Variants in MAMLD1 observed in about 807,000 individuals in gnomAD.
MAMLD1 encodes the protein mastermind-like domain-containing protein 1.
Under a neutral mutation model 45.0 loss-of-function variants are expected in MAMLD1, and 14 were observed. The ratio of observed to expected loss-of-function variants is 0.31; its 90% CI spans 0.21 to 0.49. The LOEUF (loss-of-function observed/expected upper bound fraction) is 0.49, where lower values mean the gene tolerates loss of function less well. MAMLD1 is among the 20% of genes least tolerant of loss of function. MAMLD1 has a pLI of 0.99. For synonymous variants in MAMLD1, 254 were observed against 247.8 expected, an observed-to-expected ratio of 1.02 and a Z score of -0.24; for missense variants, 543 against 603.6, an observed-to-expected ratio of 0.90 and a Z score of 1.05.
chrX:150,496,296 C>G (rs781989035), intron 5 of MAMLD1, among the ~76,000 whole-genome samples: 80 of 112,460 alleles, frequency 7.1e-4, no homozygotes, highest in African/African-American at 2.5e-3. Flanking sequence ...GGTTAAGAGC[C>G]TGGATTTTCA....
chrX:150,364,606 T>A (rs1415199203), intron 1 of MAMLD1, among the ~76,000 whole-genome samples: 5 of 111,733 alleles, frequency 4.5e-5, no homozygotes, highest in Non-Finnish European at 9.5e-5. Context: ...GGGTGGCTTG[T>A]CGTTGTTGTT....
chrX:150,462,328 G>A lies in MAMLD1; in HGVS notation c.97-444G>A, dbSNP rs782722242. On this transcript the variant is annotated intron_variant, in intron 2 of 7. Coordinates refer to ENST00000370401, the MANE Select transcript of MAMLD1 (RefSeq NM_005491.5). ...GAGAGGGTTGGTTTGGGTTCCATAT[G>A]ACTGACATAAAGCAGAGCAAATATT... Among the ~76,000 whole-genome samples, 266 of 112,050 alleles carry A rather than the reference G, an allele frequency of 2.4e-3. 1 individual carries two copies. The highest frequency in any genetic ancestry group is 8.1e-3 in the African/African-American group (251 of 30,859).
chrX:150,461,176 C>A (rs782557991), intron 2 of MAMLD1, among the ~76,000 whole-genome samples: 1 of 113,322 alleles, frequency 8.8e-6, no homozygotes, highest in African/African-American at 3.2e-5. Flanking sequence ...TAGCTGCCCT[C>A]CTTCTCCCTG....
At chrX:150,377,819 TCACA>T (rs3066915) in intron 1 of MAMLD1, among the ~76,000 whole-genome samples, 143 of 91,828 alleles carry the variant, frequency 1.6e-3, no homozygotes, top group African/African-American at 3.8e-3. Flanking sequence ...TACCACCCCC[TCACA>T]CACACACACA....
At chrX:150,481,961 G>GAA (rs782400132) in intron 5 of MAMLD1, among the ~76,000 whole-genome samples, 1 of 58,213 alleles carries the variant, frequency 1.7e-5, no homozygotes, top group Admixed American at 2.0e-4. Context: ...AAGAAAGAAA[G>GAA]AAAAAAGAAA....
intron 1 of MAMLD1, among the ~76,000 whole-genome samples, chrX:150,371,414 T>C (rs1182848520): frequency 9.1e-6 from 1 of 110,310 alleles, no homozygotes; most frequent in African/African-American, 3.3e-5. Flanking sequence ...CCTGTGCGAG[T>C]ACCTAGACAC....
chrX:150,392,231 G>A (rs1232401677), intron 1 of MAMLD1, among the ~76,000 whole-genome samples: 1 of 112,246 alleles, frequency 8.9e-6, no homozygotes, highest in Non-Finnish European at 1.9e-5. Flanking sequence ...TCCTTATTCA[G>A]TCTTGTTGCT....
intron 5 of MAMLD1, among the ~76,000 whole-genome samples, chrX:150,493,401 A>G (rs1415212955): frequency 8.9e-6 from 1 of 112,358 alleles, no homozygotes; most frequent in Non-Finnish European, 1.9e-5. Flanking sequence ...TGTTCCTTCA[A>G]CATAGCACCA....
At chrX:150,442,798 T>G (rs1014292855) in intron 1 of MAMLD1, among the ~76,000 whole-genome samples, 1 of 111,911 alleles carries the variant, frequency 8.9e-6, no homozygotes. Context: ...ATTTCCTTTC[T>G]GCTTAGAGAA....
At chrX:150,394,001 C>T (rs2033298770) in intron 1 of MAMLD1, among the ~76,000 whole-genome samples, 1 of 110,447 alleles carries the variant, frequency 9.1e-6, no homozygotes, top group South Asian at 3.8e-4. Flanking sequence ...GTCATTGCCA[C>T]ATCCGGGGTG....
chrX:150,499,521 G>C (rs1262120387), intron 5 of MAMLD1, among the ~76,000 whole-genome samples: 1 of 111,756 alleles, frequency 8.9e-6, no homozygotes, highest in African/African-American at 3.3e-5. Flanking sequence ...ATAGCACAGA[G>C]TGTCACAGAA....
chrX:150,377,945 TA>T (rs2032415508), intron 1 of MAMLD1, among the ~76,000 whole-genome samples: 1 of 111,191 alleles, frequency 9.0e-6, no homozygotes, highest in African/African-American at 3.3e-5. Flanking sequence ...TAACATTTCC[TA>T]AAACGTTCTC....
chrX:150,429,121 A>G (rs868958003), intron 1 of MAMLD1, among the ~76,000 whole-genome samples: 1 of 110,392 alleles, frequency 9.1e-6, no homozygotes, highest in Non-Finnish European at 1.9e-5. Context: ...GGAGTTAGTG[A>G]TGGCCTTAGC....
rs782583231 is a variant in MAMLD1, at chrX:150,364,622, C to T, written c.-64+1092C>T. Among the ~76,000 whole-genome samples, 241 of 112,116 alleles carry T rather than the reference C, an allele frequency of 2.1e-3. 2 individuals are homozygous for T. The highest frequency in any genetic ancestry group is 7.2e-3 in the African/African-American group (222 of 30,972). ...GGTGGCTTGTCGTTGTTGTTTGGCA[C>T]CACGGTGCCCCCCGGGGGCGCGGTC... On this transcript the variant is annotated intron_variant, in intron 1 of 7. Coordinates refer to ENST00000370401, the MANE Select transcript of MAMLD1 (RefSeq NM_005491.5).
At chrX:150,423,449 C>CT in intron 1 of MAMLD1, among the ~76,000 whole-genome samples, 1 of 8,294 alleles carries the variant, frequency 1.2e-4, no homozygotes, top group Non-Finnish European at 0.017. Flanking sequence ...CCAGCTGCTG[C>CT]CCGTTTCCTT....
At chrX:150,486,566 T>C (rs782041560) in intron 5 of MAMLD1, among the ~76,000 whole-genome samples, 2 of 111,331 alleles carry the variant, frequency 1.8e-5, no homozygotes, top group South Asian at 7.6e-4. Flanking sequence ...TTGCAATCAA[T>C]CTCTTGGCCA....
chrX:150,372,135 A>G (rs781943083), intron 1 of MAMLD1, among the ~76,000 whole-genome samples: 2 of 112,485 alleles, frequency 1.8e-5, no homozygotes, highest in Non-Finnish European at 3.8e-5. Flanking sequence ...GTGGCGTAAT[A>G]TAATCTACCC....
intron 1 of MAMLD1, among the ~76,000 whole-genome samples, chrX:150,378,505 C>T (rs1557401527): frequency 9.0e-6 from 1 of 111,635 alleles, no homozygotes; most frequent in African/African-American, 3.3e-5. Flanking sequence ...CCTAGTACAC[C>T]TCAAACTTTC....
intron 5 of MAMLD1, among the ~76,000 whole-genome samples, chrX:150,490,508 G>A (rs189439790): frequency 1.9e-3 from 210 of 112,303 alleles, no homozygotes; most frequent in Non-Finnish European, 3.1e-3. Flanking sequence ...TTCAGGCCTC[G>A]GAGTTGGGGC....
Sources: allele counts gnomAD v4.1 joint callset (sites outside exome capture counted in the v4.1 genomes callset), GRCh38; gene constraint gnomAD v4.1.1; transcripts MANE v1.5; gene names NCBI Gene and HGNC (gene_info 2026-07-23, HGNC 2026-07-21).